The following SGSH variants were observed in gnomAD, a reference collection of about 807,000 sequenced individuals.
SGSH encodes N-sulfoglucosamine sulfohydrolase, also known as heparan sulfate sulfatase.
A neutral mutation model predicts 51.0 loss-of-function variants in SGSH; 48 were observed. The ratio of observed to expected loss-of-function variants is 0.94; its 90% CI spans 0.75 to 1.20. The LOEUF is 1.20. SGSH is among the 50% of genes most tolerant of loss of function. The pLI, the probability that SGSH is intolerant of heterozygous loss-of-function variation, is 0.00. For missense variants in SGSH, 662 were observed against 717.8 expected (o/e 0.92, Z 0.89); for synonymous variants, 321 against 313.4 (o/e 1.02, Z -0.26).
rs757723989 is a variant in SGSH, at chr17:80,210,908, C to G, written c.1053G>C (p.Ala351=). ...TGGCCCAGAGGGGCTCGGCCTCCAG[C>G]GCCGGCAGGAGGGACCGGCCAGTGA... ...IHLTGRSLLP[A]LEAEPLWATV... Residue 351 remains alanine, a synonymous_variant, in exon 8 of 8, where the codon GCG becomes GCC. Coordinates refer to ENST00000326317, the MANE Select transcript of SGSH (RefSeq NM_000199.5). 4 of 1,610,684 alleles carry G rather than the reference C, an allele frequency of 2.5e-6. No individual in the cohort carries two copies. Among genetic ancestry groups the G allele is most frequent in the Admixed American group, 3.3e-5 (2 of 59,996 alleles).
chr17:80,212,478 G>A lies in SGSH; in HGVS notation c.746-204C>T. 1.6e-6 allele frequency: 1 copy of A among 626,622 alleles called. No homozygotes were observed. Among genetic ancestry groups the A allele is most frequent in the Non-Finnish European group, 2.9e-6 (1 of 343,892 alleles). The allele number at this position is 626,622 out of a possible 1,614,324, so 38.8% of individuals were successfully genotyped here. A position where few individuals can be genotyped will look rare whatever the true frequency, so the allele number is the denominator to read the frequency against. On this transcript the variant is annotated intron_variant, in intron 6 of 7. Transcript: ENST00000326317. This position sits in a 1 kb window ranked among gnomAD's most constrained non-coding sequence, Gnocchi z 5.9. Reference sequence around the variant, plus strand: ...CGCCCAGCTCCCATTCCCTGAGCAGGCCTCGAATGGGCCTCCAGGGACTCC... The same window carrying A: ...CGCCCAGCTCCCATTCCCTGAGCAGACCTCGAATGGGCCTCCAGGGACTCC...
chr17:80,210,234 C>G lies in SGSH; in HGVS notation c.*218G>C. On this transcript the variant is annotated 3_prime_UTR_variant, in exon 8 of 8. Transcript: ENST00000326317. ...TGTCCCCTGCCATGACGGCAGTGCC[C>G]CTGGTGGTGGAGGGGCTGGGCACAT... The G allele has an allele frequency of 1.4e-6, 2 of 1,424,106 alleles. No individual in the cohort carries two copies. Among genetic ancestry groups the G allele is most frequent in the Non-Finnish European group, 1.8e-6 (2 of 1,093,234 alleles). 88.2% of individuals were successfully genotyped at this position (1,424,106 alleles called of 1,614,324 possible).
Position 80,210,776 on chromosome 17 carries a change from G to C in SGSH, c.1185C>G (p.Pro395=). The change falls in exon 8 of 8, where the codon CCC becomes CCG. Residue 395 remains proline, a synonymous_variant. Coordinates refer to ENST00000326317, the MANE Select transcript of SGSH (RefSeq NM_000199.5). Reference sequence around the variant, plus strand: ...CGTAGAAGTCCTGGTCGATGGGAAAGGGCATCTTGAAGTTGAGGTTGTGCA... The same window carrying C: ...CGTAGAAGTCCTGGTCGATGGGAAACGGCATCTTGAAGTTGAGGTTGTGCA... The part of the protein sequence containing the change: ...RLVHNLNFKM[P]FPIDQDFYVS... 3 of 1,614,070 alleles carry C rather than the reference G, an allele frequency of 1.9e-6. No homozygotes were observed. The highest frequency in any genetic ancestry group is 2.5e-6 in the Non-Finnish European group (3 of 1,180,030).
chr17:80,202,734 G>A (rs2041053089), downstream of SGSH: 1 of 641,614 alleles, frequency 1.6e-6, no homozygotes, highest in African/African-American at 1.9e-5. Context: ...GGGCACTGCA[G>A]GATATAGAGC....
At position 80,213,977 on chromosome 17, in the gene SGSH, GC is replaced by G; in HGVS notation, c.664-93del. On this transcript the variant is annotated intron_variant, in intron 5 of 7. Coordinates refer to ENST00000326317, the MANE Select transcript of SGSH (RefSeq NM_000199.5). The surrounding 1 kb of genome is among the most constrained non-coding windows in gnomAD (Gnocchi z 4.6). ...CCCGGGGCCTCCTGCAAATGGGTTAGCCCAGAACAGCCTCACTCCGGACCAC... is the reference window on the plus strand; with the variant it reads ...CCCGGGGCCTCCTGCAAATGGGTTAGCCAGAACAGCCTCACTCCGGACCAC... 1 of 1,349,540 alleles carries G rather than the reference GC, an allele frequency of 7.4e-7. No individual in the cohort carries two copies. Among genetic ancestry groups the G allele is most frequent in the Non-Finnish European group, 1.0e-6 (1 of 970,998 alleles). The allele number at this position is 1,349,540 out of a possible 1,614,324, so 83.6% of individuals were successfully genotyped here.
downstream of SGSH, chr17:80,208,707 A>C: frequency 9.5e-6 from 2 of 210,768 alleles, no homozygotes; most frequent in Admixed American, 5.9e-5. Flanking sequence ...GCCCGATTCA[A>C]ATCTATGGGG....
Position 80,212,718 on chromosome 17 carries a change from C to T in SGSH, c.746-444G>A. On this transcript the variant is annotated intron_variant, in intron 6 of 7. Coordinates refer to ENST00000326317, the MANE Select transcript of SGSH (RefSeq NM_000199.5). This position sits in a 1 kb window ranked among gnomAD's most constrained non-coding sequence, Gnocchi z 5.9. Reference sequence around the variant, plus strand: ...TTCCCAGCTCACTAAGAATTAATGGCACCAATAGGGAAATGGCAAAGGTCC... The same window carrying T: ...TTCCCAGCTCACTAAGAATTAATGGTACCAATAGGGAAATGGCAAAGGTCC... 3.6e-6 allele frequency: 1 copy of T among 277,734 alleles called. No individual in the cohort carries two copies. Among genetic ancestry groups the T allele is most frequent in the Non-Finnish European group, 7.1e-6 (1 of 140,552 alleles). 17.2% of individuals were successfully genotyped at this position (277,734 alleles called of 1,614,324 possible). A position where few individuals can be genotyped will look rare whatever the true frequency, so the allele number is the denominator to read the frequency against.
chr17:80,202,650 C>G, downstream of SGSH: 2 of 1,375,716 alleles, frequency 1.5e-6, no homozygotes. Context: ...ATCTGGGTTT[C>G]TTAGCTCTGG....
At chr17:80,201,555 C>A in the SGSH span, 1 of 639,098 alleles carries the variant, frequency 1.6e-6, no homozygotes. The surrounding 1 kb of genome is among the most constrained non-coding windows in gnomAD (Gnocchi z 5.0). Flanking sequence ...ATGTGTAGCA[C>A]GCATCACTAG....
At chr17:80,208,294 C>T, downstream of SGSH, 2 of 1,603,876 alleles carry the variant, frequency 1.2e-6, no homozygotes, top group Non-Finnish European at 1.7e-6. Flanking sequence ...TCCGCCAGGC[C>T]ATCGCCGACG....
At chr17:80,219,989 G>GT (rs780057909) in intron 1 of SGSH, 8 of 417,122 alleles carry the variant, frequency 1.9e-5, no homozygotes, top group Non-Finnish European at 2.6e-5. Context: ...GCGGCACGAG[G>GT]TAAGTGTAGG....
downstream of SGSH, chr17:80,205,084 T>A: frequency 1.2e-6 from 2 of 1,612,816 alleles, no homozygotes; most frequent in South Asian, 2.2e-5. Flanking sequence ...TGGTGCCCTA[T>A]ACCCTGGTGC....
downstream of SGSH, chr17:80,202,177 CA>C: frequency 1.9e-6 from 3 of 1,606,300 alleles, no homozygotes; most frequent in East Asian, 6.7e-5. Flanking sequence ...CCCCTTTTAT[CA>C]GGTTATAAGA....
chr17:80,211,316 G>A (rs776002273), intron 7 of SGSH: 41 of 565,308 alleles, frequency 7.3e-5, no homozygotes, highest in Non-Finnish European at 1.1e-4. Flanking sequence ...TGTGGCCACA[G>A]TGCTCCTGGC....
downstream of SGSH, chr17:80,203,564 C>T (rs371883891): frequency 6.7e-6 from 3 of 449,964 alleles, no homozygotes; most frequent in South Asian, 8.5e-5. The surrounding 1 kb of genome is among the most constrained non-coding windows in gnomAD (Gnocchi z 4.6). Flanking sequence ...AACAGCACCC[C>T]CTGGGTCCCG....
chr17:80,212,552 T>G lies in SGSH; in HGVS notation c.746-278A>C. 2.0e-6 allele frequency: 1 copy of G among 509,256 alleles called. No individual in the cohort carries two copies. The highest frequency in any genetic ancestry group is 3.7e-5 in the East Asian group (1 of 27,100). 31.5% of individuals were successfully genotyped at this position (509,256 alleles called of 1,614,324 possible). ...TCACCCCCAGGCAGCTGCTCCCTGG[T>G]GCCCGCCGGCTTTTGAGTTCTCCGG... is the stretch of plus-strand genomic sequence containing the variant. On this transcript the variant is annotated intron_variant, in intron 6 of 7. Coordinates refer to ENST00000326317, the MANE Select transcript of SGSH (RefSeq NM_000199.5). The surrounding 1 kb of genome is among the most constrained non-coding windows in gnomAD (Gnocchi z 5.9).
chr17:80,215,247 AT>A, intron 2 of SGSH, 109 bp from the exon 3 acceptor site: 1 of 788,316 alleles, frequency 1.3e-6, no homozygotes, highest in Non-Finnish European at 2.2e-6. Context: ...CGGGGCCCTG[AT>A]TTAGACTTCG....
At chr17:80,201,357 G>A in the SGSH span, 1 of 205,562 alleles carries the variant, frequency 4.9e-6, no homozygotes, top group South Asian at 6.5e-5. This position sits in a 1 kb window ranked among gnomAD's most constrained non-coding sequence, Gnocchi z 5.0. Context: ...GTAGGGCCCG[G>A]TATAGCCCGC....
Position 80,210,281 on chromosome 17 carries a change from C to A in SGSH, c.*171G>T. ...ACATGCTCTGGTCACATGCTCTGGT[C>A]CCCCTCCAGGCAATGGCAAGAGTGA... On this transcript the variant is annotated 3_prime_UTR_variant, in exon 8 of 8. Coordinates refer to ENST00000326317, the MANE Select transcript of SGSH (RefSeq NM_000199.5). 1 of 1,432,948 alleles carries A rather than the reference C, an allele frequency of 7.0e-7. No homozygotes were observed. The highest frequency in any genetic ancestry group is 1.5e-5 in the South Asian group (1 of 66,918). The allele number at this position is 1,432,948 out of a possible 1,614,324, so 88.8% of individuals were successfully genotyped here.
Sources: allele counts gnomAD v4.1 joint callset, GRCh38; gene constraint gnomAD v4.1.1; non-coding constraint Gnocchi (gnomAD v3.1); transcripts MANE v1.5; gene names NCBI Gene and HGNC (gene_info 2026-07-23, HGNC 2026-07-21).